The following FAT3 variants were observed in gnomAD, a reference collection of about 807,000 sequenced individuals.
FAT3 encodes the protein protocadherin Fat 3.
FAT3 carries 95 observed loss-of-function variants against 310.2 expected under a neutral mutation model. The ratio of observed to expected loss-of-function variants is 0.31; its 90% CI spans 0.26 to 0.36. The LOEUF (loss-of-function observed/expected upper bound fraction) is 0.36. Among genes scored for constraint, FAT3 ranks in the 10% least tolerant of loss-of-function variants. The probability of loss-of-function intolerance (pLI) is 1.00; values close to 1 mark genes in which losing one functional copy is unlikely to be tolerated. For synonymous variants in FAT3, 2,314 were observed against 2,192.9 expected (o/e 1.06, Z -1.54); for missense variants, 5,408 against 5,715.6 (o/e 0.95, Z 1.74).
At chr11:92,262,009 G>T (rs1865577504) in intron 1 of FAT3, among the ~76,000 whole-genome samples, 1 of 150,410 alleles carries the variant, frequency 6.6e-6, no homozygotes, top group African/African-American at 2.4e-5. Context: ...TAAATTCTGA[G>T]GTCTCTCGAA....
intron 2 of FAT3, among the ~76,000 whole-genome samples, chr11:92,488,768 G>A (rs1465742872): frequency 6.6e-6 from 1 of 151,966 alleles, no homozygotes; most frequent in African/African-American, 2.4e-5. Flanking sequence ...CCTCAGCCTG[G>A]ATGAGGAGTC....
intron 2 of FAT3, among the ~76,000 whole-genome samples, chr11:92,389,861 G>A (rs920718394): frequency 6.6e-6 from 1 of 151,984 alleles, no homozygotes; most frequent in Non-Finnish European, 1.5e-5. Flanking sequence ...TGTTAAACTT[G>A]GAGTTTTTCT....
intron 3 of FAT3, among the ~76,000 whole-genome samples, chr11:92,613,416 T>C (rs2135633643): frequency 6.6e-6 from 1 of 152,278 alleles, no homozygotes; most frequent in South Asian, 2.1e-4. Context: ...AAAACTAAGT[T>C]TAAAAATAAC....
At chr11:92,854,988 C>T (rs1386782042) in intron 19 of FAT3, among the ~76,000 whole-genome samples, 1 of 152,186 alleles carries the variant, frequency 6.6e-6, no homozygotes, top group Non-Finnish European at 1.5e-5. Context: ...AAAGGTAATG[C>T]CCAAGTAACT....
intron 2 of FAT3, among the ~76,000 whole-genome samples, chr11:92,508,245 T>C (rs879483204): frequency 1.3e-5 from 2 of 152,134 alleles, no homozygotes; most frequent in Non-Finnish European, 2.9e-5. Flanking sequence ...TGTGCAGTTA[T>C]CTTTGCAACC....
intron 11 of FAT3, among the ~76,000 whole-genome samples, chr11:92,805,709 A>T (rs904833946): frequency 1.3e-5 from 2 of 152,230 alleles, no homozygotes; most frequent in African/African-American, 4.8e-5. Context: ...ACTTGTTTAT[A>T]TAAGTTTACA....
chr11:92,702,095 G>T (rs1259989202), intron 4 of FAT3, among the ~76,000 whole-genome samples: 1 of 152,198 alleles, frequency 6.6e-6, no homozygotes, highest in South Asian at 2.1e-4. Context: ...TCTCATCTGT[G>T]AAGTGGGGAT....
intron 3 of FAT3, among the ~76,000 whole-genome samples, chr11:92,560,868 C>G (rs1320600276): frequency 1.3e-5 from 2 of 152,140 alleles, no homozygotes; most frequent in Non-Finnish European, 2.9e-5. Context: ...TACTTCTTTT[C>G]TGTTATTCCA....
chr11:92,726,439 G>A (rs1264454102), intron 4 of FAT3, among the ~76,000 whole-genome samples: 1 of 152,180 alleles, frequency 6.6e-6, no homozygotes, highest in Non-Finnish European at 1.5e-5. Flanking sequence ...ATGGGAACTG[G>A]TGAAATTGTG....
At chr11:92,806,054 G>A (rs1947498911) in intron 11 of FAT3, among the ~76,000 whole-genome samples, 1 of 152,180 alleles carries the variant, frequency 6.6e-6, no homozygotes, top group Non-Finnish European at 1.5e-5. Flanking sequence ...AATGTGTGGT[G>A]TGTGTTATGG....
At chr11:92,563,269 A>G (rs1399002540) in intron 3 of FAT3, among the ~76,000 whole-genome samples, 4 of 152,176 alleles carry the variant, frequency 2.6e-5, no homozygotes, top group South Asian at 4.1e-4. Context: ...GACTATATAT[A>G]TAAGCAACAG....
intron 2 of FAT3, among the ~76,000 whole-genome samples, chr11:92,422,258 A>C (rs181921040): frequency 1.3e-5 from 2 of 152,238 alleles, no homozygotes; most frequent in East Asian, 3.9e-4. Context: ...TCCTTGTTCA[A>C]GTTCCAACTC....
chr11:92,371,617 T>C (rs771739961), intron 2 of FAT3, among the ~76,000 whole-genome samples: 28 of 152,176 alleles, frequency 1.8e-4, no homozygotes, highest in Non-Finnish European at 3.2e-4. Context: ...CTCAGGAGAC[T>C]GAGGCAGGAA....
rs752304576 is a variant in FAT3 at position 92,801,216 on chromosome 11, A to G, written c.8203A>G (p.Ser2735Gly). The G allele has an allele frequency of 2.5e-6, 4 of 1,613,916 alleles. No individual in the cohort carries two copies. In the Admixed American group the frequency reaches 5.0e-5, roughly 20 times the overall value. Residue 2735 changes from serine to glycine, a missense_variant, in exon 10 of 28, where the codon AGT becomes GGT. Ser to Gly is a moderately conservative substitution (Grantham distance 56). Around this residue, in one of 5 missense-constraint regions of FAT3, gnomAD observed 4,588 missense variants for 4,809.8 expected, o/e 0.95. Transcript: ENST00000525166. ...AGTGGACACCCTGAGGATTTTGCCCAGTCAGAATGTCTGGTTCAGCACAGT... is the reference window on the plus strand; with the variant it reads ...AGTGGACACCCTGAGGATTTTGCCCGGTCAGAATGTCTGGTTCAGCACAGT... ...STVDTLRILP[S>G]QNVWFSTVNG...
intron 18 of FAT3, among the ~76,000 whole-genome samples, chr11:92,841,109 G>A (rs1418223268): frequency 2.0e-5 from 3 of 152,084 alleles, no homozygotes; most frequent in African/African-American, 7.2e-5. Context: ...TGTCATAAGG[G>A]GACTTAGCCA....
intron 5 of FAT3, among the ~76,000 whole-genome samples, chr11:92,764,604 A>C (rs1336522515): frequency 6.6e-6 from 1 of 152,114 alleles, no homozygotes; most frequent in South Asian, 2.1e-4. Flanking sequence ...AATCACCACA[A>C]ACTGTAAGTG....
At chr11:92,472,504 C>T (rs1052214147) in intron 2 of FAT3, among the ~76,000 whole-genome samples, 2 of 152,088 alleles carry the variant, frequency 1.3e-5, no homozygotes, top group Admixed American at 6.6e-5. Context: ...GGCATTGGGA[C>T]GTAGTATTTG....
chr11:92,513,028 A>AGGAGAAT lies in FAT3; in HGVS notation c.3293-11603_3293-11597dup, dbSNP rs1193330995. On this transcript the variant is annotated intron_variant, in intron 2 of 27. Transcript: ENST00000525166. ...TCCCAGCTACTCGGGAGGCTGAGGCAGGAGAATGGCGTGAACCCGGGAGGC... is the reference window on the plus strand; with the variant it reads ...TCCCAGCTACTCGGGAGGCTGAGGCAGGAGAATGGAGAATGGCGTGAACCCGGGAGGC... Among the ~76,000 whole-genome samples, 22 of 65,046 alleles carry AGGAGAAT rather than the reference A, an allele frequency of 3.4e-4. 9 individuals are homozygous for AGGAGAAT. Among genetic ancestry groups the AGGAGAAT allele is most frequent in the African/African-American group, 1.6e-3 (21 of 12,852 alleles). 42.7% of individuals were successfully genotyped at this position (65,046 alleles called of 152,430 possible).
At chr11:92,425,494 C>T (rs1445270417) in intron 2 of FAT3, among the ~76,000 whole-genome samples, 1 of 151,996 alleles carries the variant, frequency 6.6e-6, no homozygotes, top group Non-Finnish European at 1.5e-5. Context: ...CCCATCAACC[C>T]GTCATCTACA....
Sources: gnomAD v4.1 joint callset for allele counts (sites outside exome capture counted in the v4.1 genomes callset) on GRCh38, gnomAD v4.1.1 for gene constraint, gnomAD v4.1.1 regional missense constraint, MANE v1.5 for transcripts, NCBI Gene and HGNC (gene_info 2026-07-23, HGNC 2026-07-21) for gene names.